The following ZC3H3 variants were observed in gnomAD, a reference collection of about 807,000 sequenced individuals.
The protein encoded by ZC3H3 is zinc finger CCCH domain-containing protein 3.
Under a neutral mutation model 77.3 loss-of-function variants are expected in ZC3H3, and 36 were observed. That is an observed-to-expected ratio of 0.47 (90% CI 0.36 to 0.61). The LOEUF (loss-of-function observed/expected upper bound fraction) is 0.61, where lower values mean the gene tolerates loss of function less well. Ranked by LOEUF, ZC3H3 falls within the 20% of genes least tolerant of loss-of-function variation. The pLI is 0.00. For missense variants in ZC3H3, 1,331 were observed against 1,312.2 expected (o/e 1.01, Z -0.22); for synonymous variants, 626 against 555.2 (o/e 1.13, Z -1.79).
rs567995628 is a variant in ZC3H3, at chr8:143,512,767, G to T, written c.1562-4868C>A. Among the ~76,000 whole-genome samples, 13 of 152,350 alleles carry T rather than the reference G, an allele frequency of 8.5e-5. No individual in the cohort carries two copies. The South Asian group carries it at 1.0e-3, about 12-fold the overall frequency. On this transcript the variant is annotated intron_variant, in intron 3 of 11. Transcript: ENST00000262577. The stretch of plus-strand genomic sequence containing the variant: ...GGGTTGCACCTTCAGCCCCACAGCC[G>T]CAAGAGGGCGCCAGGGACGAGGCAA...
chr8:143,468,863 C>T (rs1363605921), intron 5 of ZC3H3, among the ~76,000 whole-genome samples: 1 of 152,214 alleles, frequency 6.6e-6, no homozygotes, highest in Non-Finnish European at 1.5e-5. Flanking sequence ...GGACACAGCA[C>T]CTGAGAGTGG....
At chr8:143,441,169 G>A (rs1359921779) in intron 9 of ZC3H3, 49 bp from the exon 10 acceptor site, 5 of 1,359,814 alleles carry the variant, frequency 3.7e-6, no homozygotes, top group Middle Eastern at 2.1e-4. Context: ...AGGCTGTGGC[G>A]CTGCACGGGG....
Position 143,460,960 on chromosome 8 carries a change from G to A in ZC3H3, c.2307+4757C>T, listed in dbSNP as rs1220599299. 6.6e-6 allele frequency among the ~76,000 whole-genome samples: 1 copy of A among 152,178 alleles called. No homozygotes were observed. ...TGTCTAACTAGGGTTTGGGAAGCGG[G>A]GAGTGGAGAGTCATTGCTGAATACT... On this transcript the variant is annotated intron_variant, in intron 9 of 11. Transcript: ENST00000262577. This position sits in a 1 kb window ranked among gnomAD's most constrained non-coding sequence, Gnocchi z 4.0.
intron 8 of ZC3H3, among the ~76,000 whole-genome samples, chr8:143,467,615 G>A (rs887699800): frequency 3.3e-5 from 5 of 152,186 alleles, no homozygotes; most frequent in East Asian, 3.9e-4. Context: ...GGCTGAGTCC[G>A]GGGCACAGGA....
At chr8:143,516,292 T>C (rs1337443604) in intron 3 of ZC3H3, among the ~76,000 whole-genome samples, 1 of 152,130 alleles carries the variant, frequency 6.6e-6, no homozygotes, top group Non-Finnish European at 1.5e-5. Flanking sequence ...CCTCAAACGC[T>C]GCAGACAGAG....
intron 9 of ZC3H3, among the ~76,000 whole-genome samples, chr8:143,449,654 C>T (rs1424555723): frequency 2.0e-5 from 3 of 152,140 alleles, no homozygotes; most frequent in African/African-American, 7.2e-5. Flanking sequence ...AGGAGAATTG[C>T]TTGAACCCAG....
At chr8:143,537,276 G>A (rs1265632101) in intron 2 of ZC3H3, among the ~76,000 whole-genome samples, 11 of 152,202 alleles carry the variant, frequency 7.2e-5, no homozygotes, top group Admixed American at 7.2e-4. Context: ...GCCTGGCCAA[G>A]GGGGCTGGGA....
rs954688586 is a variant in ZC3H3 at position 143,493,325 on chromosome 8, A to T, written c.1715+14421T>A. On this transcript the variant is annotated intron_variant, in intron 4 of 11. Coordinates refer to ENST00000262577, the MANE Select transcript of ZC3H3 (RefSeq NM_015117.3). The surrounding 1 kb of genome is among the most constrained non-coding windows in gnomAD (Gnocchi z 4.8). ...AGTCCCTCTCCCTTTGTCCGGAAAAAGTCCCAGAGGATCAGCGGTGTCCCT... is the reference window on the plus strand; with the variant it reads ...AGTCCCTCTCCCTTTGTCCGGAAAATGTCCCAGAGGATCAGCGGTGTCCCT... Among the ~76,000 whole-genome samples the T allele has an allele frequency of 2.0e-5, 3 of 152,338 alleles. No individual in the cohort carries two copies. In the South Asian group the frequency reaches 6.2e-4, roughly 32 times the overall value.
chr8:143,482,988 G>GCCAGGCCGC (rs1428421146), intron 4 of ZC3H3, among the ~76,000 whole-genome samples: 1 of 152,214 alleles, frequency 6.6e-6, no homozygotes, highest in Non-Finnish European at 1.5e-5. Flanking sequence ...GCAGCCCCTG[G>GCCAGGCCGC]CCAGGCCGCC....
Position 143,539,169 on chromosome 8 carries a change from A to G in ZC3H3, c.198T>C (p.His66=), listed in dbSNP as rs1586977575. The G allele has an allele frequency of 6.2e-7, 1 of 1,612,972 alleles. No individual in the cohort carries two copies. The highest frequency in any genetic ancestry group is 8.5e-7 in the Non-Finnish European group (1 of 1,180,026). The part of the protein sequence containing the change: ...RPSRRGYSSH[H]GPSWRKKYSL... ...AGTATTTCTTGCGCCACGAAGGCCC[A>G]TGGTGGGAAGAGTAGCCCCTCCGGC... is the stretch of plus-strand genomic sequence containing the variant. The change falls in exon 2 of 12, where the codon CAT becomes CAC. Residue 66 remains histidine (H), a synonymous_variant. Coordinates refer to ENST00000262577, the MANE Select transcript of ZC3H3 (RefSeq NM_015117.3).
Position 143,533,835 on chromosome 8 carries a change from C to A in ZC3H3, c.1561+2422G>T, listed in dbSNP as rs1234315504. On this transcript the variant is annotated intron_variant, in intron 3 of 11. Transcript: ENST00000262577. The surrounding 1 kb of genome is among the most constrained non-coding windows in gnomAD (Gnocchi z 4.0). ...GGATTACAGACGCTCGCCACCACAC[C>A]CAGCTAATTTTTGTATTTTTAGTAG... Among the ~76,000 whole-genome samples the A allele has an allele frequency of 6.6e-6, 1 of 152,120 alleles. No homozygotes were observed. The highest frequency in any genetic ancestry group is 1.9e-4 in the East Asian group (1 of 5,162).
chr8:143,497,877 T>C (rs575742161), intron 4 of ZC3H3, among the ~76,000 whole-genome samples: 1 of 152,348 alleles, frequency 6.6e-6, no homozygotes, highest in African/African-American at 2.4e-5. Context: ...CACAGGGCTT[T>C]CTGGGGCTCC....
chr8:143,537,737 G>A (rs941861607), intron 2 of ZC3H3, among the ~76,000 whole-genome samples: 6 of 152,212 alleles, frequency 3.9e-5, no homozygotes, highest in East Asian at 1.9e-4. Flanking sequence ...TGCCCCCAGC[G>A]AGCTGCTTGT....
Position 143,509,791 on chromosome 8 carries a change from C to A in ZC3H3, c.1562-1892G>T, listed in dbSNP as rs56764418. ...GCCCCGGGGGTTCATGTTCCCCTCC[C>A]CATCAACCTCTTTCCCCAAATTCTA... On this transcript the variant is annotated intron_variant, in intron 3 of 11. Transcript: ENST00000262577. Among the ~76,000 whole-genome samples, 1,320 of 152,302 alleles carry A rather than the reference C, an allele frequency of 8.7e-3. 20 individuals are homozygous for A. The highest frequency in any genetic ancestry group is 0.03 in the African/African-American group (1,252 of 41,568).
At chr8:143,500,063 T>C (rs1487556618) in intron 4 of ZC3H3, among the ~76,000 whole-genome samples, 4 of 151,986 alleles carry the variant, frequency 2.6e-5, no homozygotes, top group African/African-American at 9.7e-5. Context: ...TCCAAACCCT[T>C]CGTGGTATGG....
chr8:143,445,827 A>G (rs892014712), intron 9 of ZC3H3, among the ~76,000 whole-genome samples: 2 of 152,208 alleles, frequency 1.3e-5, no homozygotes, highest in African/African-American at 2.4e-5. Flanking sequence ...CAGATTCAAG[A>G]CAATCCCAAT....
rs774396156 is a variant in ZC3H3 at position 143,538,794 on chromosome 8, G to A, written c.573C>T (p.Val191=). ...GTCSVEDPLL[V]CQKEPGKPRM... ...TGGGCTTACCAGGCTCCTTCTGGCA[G>A]ACCAGAAGAGGATCTTCCACACTGC... The change falls in exon 2 of 12, where the codon GTC becomes GTT. Residue 191 remains valine (V), a synonymous_variant. Transcript: ENST00000262577. 1.2e-6 allele frequency: 2 copies of A among 1,612,346 alleles called. No homozygotes were observed. Among genetic ancestry groups the A allele is most frequent in the South Asian group, 1.1e-5 (1 of 91,038 alleles).
At chr8:143,485,079 A>G (rs1821015430) in intron 4 of ZC3H3, 1 of 271,844 alleles carries the variant, frequency 3.7e-6, no homozygotes, top group Admixed American at 5.1e-5. Context: ...TGGAACATAC[A>G]AAGAAGAGAA....
chr8:143,500,845 A>C (rs1821504390), intron 4 of ZC3H3, among the ~76,000 whole-genome samples: 6 of 138,940 alleles, frequency 4.3e-5, no homozygotes, highest in Non-Finnish European at 4.6e-5. Context: ...AGACTATCTC[A>C]CTCTGTTGCC....
Sources: allele counts gnomAD v4.1 joint callset (sites outside exome capture counted in the v4.1 genomes callset), GRCh38; gene constraint gnomAD v4.1.1; non-coding constraint Gnocchi (gnomAD v3.1); transcripts MANE v1.5; gene names NCBI Gene and HGNC (gene_info 2026-07-23, HGNC 2026-07-21).